The following FRMD6 variants were observed in gnomAD, a reference collection of about 807,000 sequenced individuals.
The protein encoded by FRMD6 is FERM domain containing 6.
FRMD6 carries 37 observed loss-of-function variants against 73.2 expected under a neutral mutation model. The ratio of observed to expected loss-of-function variants is 0.51; its 90% CI spans 0.39 to 0.66. FRMD6 has a LOEUF of 0.66. FRMD6 is among the 30% of genes least tolerant of loss of function. FRMD6 has a pLI of 0.00. For synonymous variants in FRMD6, 273 were observed against 282.2 expected (o/e 0.97, Z 0.33); for missense variants, 714 against 780.5 (o/e 0.91, Z 1.02).
intron 1 of FRMD6, among the ~76,000 whole-genome samples, chr14:51,529,398 T>C (rs954600698): frequency 9.8e-5 from 15 of 152,356 alleles, no homozygotes; most frequent in Admixed American, 3.3e-4. Flanking sequence ...TGTAAAGTGG[T>C]TGATGTTTAA....
chr14:51,438,943 C>G, the FRMD6 span, among the ~76,000 whole-genome samples: 1 of 152,168 alleles, frequency 6.6e-6, no homozygotes. Flanking sequence ...GAGTAACTGT[C>G]CCAGCTCTCT....
intron 8 of FRMD6, among the ~76,000 whole-genome samples, 182 bp downstream of exon 8, chr14:51,711,778 CAGTAATAAGAAATAACAGAAAACAATA>C (rs903872254): frequency 6.2e-4 from 95 of 152,098 alleles, no homozygotes; most frequent in African/African-American, 2.1e-3. Context: ...TGATTGTTGA[CAGTAATAAGAAATAACAGAAAACAATA>C]AGTAATAAGA....
intron 2 of FRMD6, among the ~76,000 whole-genome samples, chr14:51,613,244 T>C (rs1486887049): frequency 6.6e-6 from 1 of 152,166 alleles, no homozygotes; most frequent in Non-Finnish European, 1.5e-5. Context: ...ATGACAATAA[T>C]CTAGGCATTG....
intron 1 of FRMD6, among the ~76,000 whole-genome samples, chr14:51,662,440 C>T (rs1893281445): frequency 6.6e-6 from 1 of 152,044 alleles, no homozygotes; most frequent in South Asian, 2.1e-4. Context: ...GATACTGGTA[C>T]AAAAACAGAC....
intron 1 of FRMD6, among the ~76,000 whole-genome samples, chr14:51,494,602 G>T (rs918481173): frequency 6.6e-6 from 1 of 152,236 alleles, no homozygotes; most frequent in Admixed American, 6.5e-5. Context: ...GGAGTTGTGT[G>T]CTTGTGGTTC....
intron 1 of FRMD6, chr14:51,489,433 T>G (rs1267489227): frequency 2.0e-5 from 3 of 152,562 alleles, no homozygotes; most frequent in African/African-American, 7.2e-5. Flanking sequence ...AGGAAAAAAA[T>G]GTTTGTTCTT....
At chr14:51,488,738 C>T (rs1188190156), upstream of FRMD6, among the ~76,000 whole-genome samples, 1 of 152,228 alleles carries the variant, frequency 6.6e-6, no homozygotes, top group Non-Finnish European at 1.5e-5. Flanking sequence ...CCTTGCTACT[C>T]CTTTCCTCTT....
At chr14:51,670,653 T>G (rs1390981465) in intron 1 of FRMD6, among the ~76,000 whole-genome samples, 6 of 151,938 alleles carry the variant, frequency 3.9e-5, no homozygotes, top group Non-Finnish European at 8.8e-5. Flanking sequence ...GGTCTTTTTT[T>G]TTTTTTCTTT....
intron 1 of FRMD6, among the ~76,000 whole-genome samples, chr14:51,663,650 G>A (rs1893380042): frequency 6.6e-6 from 1 of 152,070 alleles, no homozygotes; most frequent in African/African-American, 2.4e-5. Flanking sequence ...ATAATTAATG[G>A]CTTAATACCT....
the FRMD6 span, among the ~76,000 whole-genome samples, chr14:51,421,947 A>T: frequency 1.3e-5 from 2 of 152,194 alleles, no homozygotes; most frequent in Non-Finnish European, 2.9e-5. Context: ...TGCCATAGGA[A>T]GTAGGGTTCA....
At chr14:51,515,938 C>T (rs1364898742) in intron 1 of FRMD6, among the ~76,000 whole-genome samples, 1 of 152,178 alleles carries the variant, frequency 6.6e-6, no homozygotes, top group South Asian at 2.1e-4. Flanking sequence ...AGCTGAGACA[C>T]TGCAAAGTAG....
intron 1 of FRMD6, among the ~76,000 whole-genome samples, chr14:51,561,056 C>G (rs1001439395): frequency 2.0e-5 from 3 of 152,164 alleles, no homozygotes; most frequent in African/African-American, 7.2e-5. Flanking sequence ...TAGTAACTTG[C>G]CATCCCACTT....
intron 2 of FRMD6, among the ~76,000 whole-genome samples, chr14:51,644,595 TATAAAA>T (rs947740208): frequency 1.3e-5 from 2 of 152,240 alleles, no homozygotes; most frequent in Admixed American, 1.3e-4. Context: ...TAAAATGTGC[TATAAAA>T]ATAAGTGATG....
At chr14:51,537,741 A>G (rs553776394) in intron 1 of FRMD6, among the ~76,000 whole-genome samples, 52 of 152,252 alleles carry the variant, frequency 3.4e-4, no homozygotes, top group Admixed American at 2.6e-3. Flanking sequence ...TAAATTTGCA[A>G]TTCCCTAATA....
At chr14:51,432,844 G>T in the FRMD6 span, among the ~76,000 whole-genome samples, 1 of 152,152 alleles carries the variant, frequency 6.6e-6, no homozygotes, top group Non-Finnish European at 1.5e-5. Flanking sequence ...GCTCAATCCA[G>T]GGGGCAGGGC....
chr14:51,727,037 T>C (rs1291536774), intron 13 of FRMD6, among the ~76,000 whole-genome samples: 1 of 152,048 alleles, frequency 6.6e-6, no homozygotes, highest in Non-Finnish European at 1.5e-5. Flanking sequence ...TAAAAAAAAG[T>C]CTGCCCCCTG....
intron 1 of FRMD6, among the ~76,000 whole-genome samples, chr14:51,530,884 T>C (rs185838806): frequency 1.3e-5 from 2 of 152,354 alleles, no homozygotes; most frequent in East Asian, 3.9e-4. Flanking sequence ...TGGTCCATTC[T>C]GTGCTGCTAT....
At chr14:51,480,626 G>T in the FRMD6 span, among the ~76,000 whole-genome samples, 1 of 151,898 alleles carries the variant, frequency 6.6e-6, no homozygotes, top group South Asian at 2.1e-4. Flanking sequence ...ATTGATTAGG[G>T]GAGTCTTATG....
the FRMD6 span, among the ~76,000 whole-genome samples, chr14:51,439,641 T>C: frequency 6.6e-6 from 1 of 152,136 alleles, no homozygotes; most frequent in African/African-American, 2.4e-5. Context: ...TTTCCAAAGG[T>C]AAGATATCTT....
Sources: allele counts gnomAD v4.1 joint callset (sites outside exome capture counted in the v4.1 genomes callset), GRCh38; gene constraint gnomAD v4.1.1; transcripts MANE v1.5; gene names NCBI Gene and HGNC (gene_info 2026-07-23, HGNC 2026-07-21).